Variants in CSMD1 observed in about 807,000 individuals in gnomAD.
CSMD1 encodes the protein CUB and sushi domain-containing protein 1.
Under a neutral mutation model 417.5 loss-of-function variants are expected in CSMD1, and 213 were observed. The observed-to-expected ratio is 0.51, with a 90% CI of 0.46 to 0.57. The LOEUF (loss-of-function observed/expected upper bound fraction) is 0.57, where lower values mean the gene tolerates loss of function less well. Among genes scored for constraint, CSMD1 ranks in the 20% least tolerant of loss-of-function variants. The pLI, the probability that CSMD1 is intolerant of heterozygous loss-of-function variation, is 0.00. For synonymous variants in CSMD1, 2,862 were observed against 1,736.8 expected (o/e 1.65, Z -16.11); for missense variants, 6,923 against 4,529.7 (o/e 1.53, Z -15.17).
chr8:3,721,454 G>A (rs1346616254), intron 6 of CSMD1, among the ~76,000 whole-genome samples: 2 of 152,036 alleles, frequency 1.3e-5, no homozygotes, highest in Non-Finnish European at 2.9e-5. Flanking sequence ...GGCACATATG[G>A]GACTGAGTCC....
At chr8:3,938,506 C>T (rs184686713) in intron 5 of CSMD1, among the ~76,000 whole-genome samples, 10 of 152,190 alleles carry the variant, frequency 6.6e-5, no homozygotes, top group Middle Eastern at 3.4e-3. Flanking sequence ...AAGGTTTCCT[C>T]GGCAACAATG....
At chr8:3,960,903 T>C (rs1204716031) in intron 5 of CSMD1, among the ~76,000 whole-genome samples, 3 of 151,984 alleles carry the variant, frequency 2.0e-5, no homozygotes, top group Non-Finnish European at 2.9e-5. Flanking sequence ...ATCACAAAAG[T>C]CCTCTAGACT....
chr8:4,431,438 G>T (rs138228248), intron 2 of CSMD1, among the ~76,000 whole-genome samples: 1 of 152,188 alleles, frequency 6.6e-6, no homozygotes, highest in Non-Finnish European at 1.5e-5. Context: ...AGAGGAGAGC[G>T]AGTGAGCACA....
intron 8 of CSMD1, among the ~76,000 whole-genome samples, chr8:3,598,051 T>G (rs1301645317): frequency 2.0e-5 from 3 of 152,212 alleles, no homozygotes. Context: ...ATAAAACACT[T>G]TCTTCTTAAT....
intron 12 of CSMD1, among the ~76,000 whole-genome samples, chr8:3,423,835 A>C (rs1357810004): frequency 6.6e-6 from 1 of 152,192 alleles, no homozygotes; most frequent in Non-Finnish European, 1.5e-5. Flanking sequence ...TCTCCTCACA[A>C]CTGGGATGGT....
intron 3 of CSMD1, among the ~76,000 whole-genome samples, chr8:4,157,314 C>A (rs1287037156): frequency 6.6e-6 from 1 of 152,200 alleles, no homozygotes; most frequent in East Asian, 1.9e-4. Flanking sequence ...ACTGCACCAG[C>A]AACTCAGGGT....
At chr8:4,369,240 G>A (rs1044393811) in intron 3 of CSMD1, among the ~76,000 whole-genome samples, 2 of 152,042 alleles carry the variant, frequency 1.3e-5, no homozygotes. Context: ...CAACTTCCAT[G>A]TAATTGTATG....
chr8:4,442,695 G>C (rs914678368), intron 2 of CSMD1, among the ~76,000 whole-genome samples: 4 of 152,132 alleles, frequency 2.6e-5, no homozygotes, highest in Non-Finnish European at 4.4e-5. Flanking sequence ...CTCCGAAAAG[G>C]TAGTTCCCCG....
chr8:4,377,611 A>G (rs1268437195), intron 3 of CSMD1, among the ~76,000 whole-genome samples: 2 of 152,178 alleles, frequency 1.3e-5, no homozygotes, highest in Non-Finnish European at 2.9e-5. Flanking sequence ...CAATTTTATG[A>G]TGTGCAAAAC....
chr8:3,329,526 G>C (rs1193740634), intron 23 of CSMD1, among the ~76,000 whole-genome samples: 2 of 152,140 alleles, frequency 1.3e-5, no homozygotes, highest in African/African-American at 2.4e-5. Context: ...TTCCCCATGA[G>C]AATGTGCAGC....
intron 17 of CSMD1, among the ~76,000 whole-genome samples, chr8:3,392,166 T>C (rs1811387648): frequency 6.7e-6 from 1 of 150,232 alleles, no homozygotes; most frequent in African/African-American, 2.4e-5. Flanking sequence ...AAATGATGAG[T>C]TAATGGGTGC....
At chr8:3,615,078 G>T (rs1802071101) in intron 8 of CSMD1, among the ~76,000 whole-genome samples, 1 of 152,152 alleles carries the variant, frequency 6.6e-6, no homozygotes, top group Non-Finnish European at 1.5e-5. Context: ...TCAAATGACT[G>T]CTGTTTTCTA....
intron 3 of CSMD1, among the ~76,000 whole-genome samples, chr8:4,248,819 G>T (rs1211860068): frequency 2.0e-5 from 3 of 152,018 alleles, no homozygotes; most frequent in East Asian, 1.9e-4. Context: ...CTAATTTGGT[G>T]ACTGATGTAT....
intron 50 of CSMD1, among the ~76,000 whole-genome samples, chr8:3,042,155 C>T (rs1188584368): frequency 2.6e-5 from 4 of 152,172 alleles, no homozygotes; most frequent in East Asian, 1.9e-4. Context: ...GTCTCTCATG[C>T]ATCTGGTTAG....
At position 3,308,415 on chromosome 8, in the gene CSMD1, A is replaced by T. The variant is rs1204740768; in HGVS notation, c.3720T>A (p.Val1240=). Residue 1240 remains valine (V), a synonymous_variant, in exon 24 of 70, where the codon GTT becomes GTA. Transcript: ENST00000635120. ...RDEGHFTDTV[V]LYSCNPGYAM... ...CGTACCCCGGGTTGCAACTGTACAG[A>T]ACTACAGTGTCGGTAAAGTGGCCTT... is the stretch of plus-strand genomic sequence containing the variant. 1 of 1,613,470 alleles carries T rather than the reference A, an allele frequency of 6.2e-7. No individual in the cohort carries two copies. The highest frequency in any genetic ancestry group is 8.5e-7 in the Non-Finnish European group (1 of 1,179,562).
intron 1 of CSMD1, among the ~76,000 whole-genome samples, chr8:4,665,490 A>G (rs1804865040): frequency 6.6e-6 from 1 of 152,196 alleles, no homozygotes; most frequent in South Asian, 2.1e-4. Flanking sequence ...CACACTGATA[A>G]GATCCTCTTG....
chr8:4,942,444 C>G (rs946666912), intron 1 of CSMD1, among the ~76,000 whole-genome samples: 2 of 152,092 alleles, frequency 1.3e-5, no homozygotes, highest in African/African-American at 2.4e-5. Context: ...GCCCAACCAA[C>G]CATCATGACA....
chr8:4,976,639 C>G (rs1170645614), intron 1 of CSMD1, among the ~76,000 whole-genome samples: 2 of 152,170 alleles, frequency 1.3e-5, no homozygotes, highest in African/African-American at 4.8e-5. Flanking sequence ...AACTCATTTG[C>G]TATGACCCTC....
At chr8:4,190,767 G>T (rs1028253599) in intron 3 of CSMD1, among the ~76,000 whole-genome samples, 41 of 152,202 alleles carry the variant, frequency 2.7e-4, no homozygotes, top group African/African-American at 9.6e-4. Flanking sequence ...GTACTATGCG[G>T]CCATTATAAA....
Sources: gnomAD v4.1 joint callset for allele counts (sites outside exome capture counted in the v4.1 genomes callset) on GRCh38, gnomAD v4.1.1 for gene constraint, MANE v1.5 for transcripts, NCBI Gene and HGNC (gene_info 2026-07-23, HGNC 2026-07-21) for gene names.